The following MED17 variants were observed in gnomAD, a reference collection of about 807,000 sequenced individuals.
MED17 encodes mediator complex subunit 17.
Under a neutral mutation model 80.8 loss-of-function variants are expected in MED17, and 49 were observed. The observed-to-expected ratio is 0.61, with a 90% CI of 0.48 to 0.77. MED17 has a LOEUF of 0.77. Among genes scored for constraint, MED17 ranks in the 30% least tolerant of loss-of-function variants. The probability of loss-of-function intolerance (pLI) is 0.00; values close to 1 mark genes in which losing one functional copy is unlikely to be tolerated. For synonymous variants in MED17, 281 were observed against 280.4 expected (o/e 1.00, Z -0.02); for missense variants, 718 against 787.0 (o/e 0.91, Z 1.05).
At chr11:93,794,602 A>T in intron 5 of MED17, 1 of 433,206 alleles carries the variant, frequency 2.3e-6, no homozygotes, top group Non-Finnish European at 4.2e-6. Flanking sequence ...TATCAAACCC[A>T]GTGAGGTTTA....
chr11:93,811,706 G>T, intron 11 of MED17, 147 bp from the exon 12 acceptor site: 1 of 677,188 alleles, frequency 1.5e-6, no homozygotes. Flanking sequence ...CTTGCATGTT[G>T]AAACTGAAAA....
chr11:93,800,284 T>G (rs902182820), intron 8 of MED17, among the ~76,000 whole-genome samples: 2 of 152,096 alleles, frequency 1.3e-5, no homozygotes, highest in Admixed American at 6.5e-5. Context: ...CTCTTCTCAT[T>G]TCTTCCCATT....
At position 93,785,063 on chromosome 11, in the gene MED17, G is replaced by T. The variant is rs542162878; in HGVS notation, c.250+300G>T. 19 of 488,480 alleles carry T rather than the reference G, an allele frequency of 3.9e-5. No individual in the cohort carries two copies. The South Asian group carries it at 4.4e-4, about 11-fold the overall frequency. The allele number at this position is 488,480 out of a possible 1,614,324, so 30.3% of individuals were successfully genotyped here. A position where few individuals can be genotyped will look rare whatever the true frequency, so the allele number is the denominator to read the frequency against. On this transcript the variant is annotated intron_variant, in intron 1 of 11. Coordinates refer to ENST00000251871, the MANE Select transcript of MED17 (RefSeq NM_004268.5). ...GGCCTTTAATGTAGCACACTTAGTG[G>T]CTAAAAGAGCCCTAGATCGGGGCTC...
At chr11:93,791,769 C>T (rs1186089111) in intron 3 of MED17, among the ~76,000 whole-genome samples, 1 of 152,028 alleles carries the variant, frequency 6.6e-6, no homozygotes, top group Non-Finnish European at 1.5e-5. Context: ...TTAAAACAAA[C>T]AAACAAAAAA....
intron 9 of MED17, among the ~76,000 whole-genome samples, chr11:93,804,443 C>T (rs1565293476): frequency 6.6e-6 from 1 of 152,162 alleles, no homozygotes; most frequent in Admixed American, 6.5e-5. Flanking sequence ...TTAACCATCA[C>T]AGCTGGGCTC....
chr11:93,793,559 C>G, intron 3 of MED17, 169 bp from the exon 4 acceptor site: 1 of 537,814 alleles, frequency 1.9e-6, no homozygotes. Flanking sequence ...CTTTATCTTT[C>G]TTTCCTTTGT....
rs1405094952 is a variant in MED17, at chr11:93,813,032, C to G, written c.*968C>G. The stretch of plus-strand genomic sequence containing the variant: ...TTAAGGCCTTTCCATCAGCTCTCTG[C>G]TTTTTCAAAGCGAAAAAACTAATGG... On this transcript the variant is annotated 3_prime_UTR_variant, in exon 12 of 12. Transcript: ENST00000251871. The G allele has an allele frequency of 6.6e-6, 1 of 152,214 alleles. No homozygotes were observed. The allele number at this position is 152,214 out of a possible 1,614,324, so 9.4% of individuals were successfully genotyped here.
At chr11:93,802,480 G>T (rs1215737569) in intron 9 of MED17, among the ~76,000 whole-genome samples, 1 of 152,096 alleles carries the variant, frequency 6.6e-6, no homozygotes, top group Non-Finnish European at 1.5e-5. Context: ...GTAAGAATGA[G>T]AGGTAACAAT....
At chr11:93,804,456 C>T (rs1020462084) in intron 9 of MED17, among the ~76,000 whole-genome samples, 2 of 152,250 alleles carry the variant, frequency 1.3e-5, no homozygotes, top group African/African-American at 4.8e-5. Context: ...CTGGGCTCAA[C>T]TTAGGCTATT....
intron 2 of MED17, chr11:93,788,622 A>T (rs910895303): frequency 6.5e-6 from 1 of 154,824 alleles, no homozygotes; most frequent in African/African-American, 2.5e-5. Context: ...CGGGGGTTGC[A>T]GTGAGCTGAG....
intron 10 of MED17, chr11:93,809,011 A>G (rs544985289): frequency 1.3e-5 from 2 of 154,560 alleles, no homozygotes; most frequent in South Asian, 2.0e-4. Flanking sequence ...CTAAAGATCT[A>G]TTTACAAAGA....
At chr11:93,793,599 C>T in intron 3 of MED17, 129 bp from the exon 4 acceptor site, 1 of 703,360 alleles carries the variant, frequency 1.4e-6, no homozygotes, top group Non-Finnish European at 2.4e-6. Flanking sequence ...TCCCCCAAAA[C>T]ATATGTTTTT....
At chr11:93,796,374 G>T in intron 6 of MED17, 36 bp from the exon 7 acceptor site, 1 of 1,568,678 alleles carries the variant, frequency 6.4e-7, no homozygotes, top group Non-Finnish European at 8.8e-7. Flanking sequence ...CATATTTCAG[G>T]TTATTTACAT....
intron 6 of MED17, chr11:93,795,515 A>T (rs1943890284): frequency 6.4e-6 from 1 of 156,346 alleles, no homozygotes; most frequent in South Asian, 1.9e-4. Flanking sequence ...AGCCTGGCCA[A>T]CGTGGTGAAA....
chr11:93,795,964 TG>T (rs1192375484), intron 6 of MED17: 1 of 167,238 alleles, frequency 6.0e-6, no homozygotes, highest in Non-Finnish European at 1.3e-5. Flanking sequence ...TTTTTTTTTT[TG>T]AGATGAAGTT....
At chr11:93,809,919 T>A in intron 11 of MED17, 43 bp downstream of exon 11, 1 of 1,604,792 alleles carries the variant, frequency 6.2e-7, no homozygotes. Flanking sequence ...ATTGGGAGTT[T>A]GGCTTTAACA....
At chr11:93,804,033 ACACAT>A (rs1943998038) in intron 9 of MED17, among the ~76,000 whole-genome samples, 1 of 24,780 alleles carries the variant, frequency 4.0e-5, no homozygotes. Flanking sequence ...ATATACACAC[ACACAT>A]ATACACACGC....
rs199767485 is a variant in MED17 at position 93,801,867 on chromosome 11, G to A, written c.1361G>A (p.Arg454Gln). 38 of 1,613,498 alleles carry A rather than the reference G, an allele frequency of 2.4e-5. No individual in the cohort carries two copies. Among genetic ancestry groups the A allele is most frequent in the Admixed American group, 1.3e-4 (8 of 59,978 alleles). Reference sequence around the variant, plus strand: ...GCAACCATTGACAGCTTAGCAAGCCGAATTGAGGATCCTCAGATACAGGCT... The same window carrying A: ...GCAACCATTGACAGCTTAGCAAGCCAAATTGAGGATCCTCAGATACAGGCT... ...AAATIDSLASRIEDPQIQAHW... is the reference protein window; with the variant it reads ...AAATIDSLASQIEDPQIQAHW... The change falls in exon 9 of 12, where the codon CGA becomes CAA. Residue 454 changes from arginine to glutamine, a missense_variant. Arg to Gln is a conservative substitution (Grantham distance 43). Coordinates refer to ENST00000251871, the MANE Select transcript of MED17 (RefSeq NM_004268.5).
Position 93,784,328 on chromosome 11 carries a change from C to T in MED17, c.-186C>T. On this transcript the variant is annotated 5_prime_UTR_variant, in exon 1 of 12. Transcript: ENST00000251871. Reference sequence around the variant, plus strand: ...CCGAGGAGGGAGCTTGCGGTGCGTTCTGGGAAAGTTGCTGGGCCAGCTCCT... The same window carrying T: ...CCGAGGAGGGAGCTTGCGGTGCGTTTTGGGAAAGTTGCTGGGCCAGCTCCT... 1 of 764,434 alleles carries T rather than the reference C, an allele frequency of 1.3e-6. No homozygotes were observed. The highest frequency in any genetic ancestry group is 2.0e-6 in the Non-Finnish European group (1 of 495,016). 47.4% of individuals were successfully genotyped at this position (764,434 alleles called of 1,614,324 possible).
Sources: gnomAD v4.1 joint callset for allele counts (sites outside exome capture counted in the v4.1 genomes callset) on GRCh38, gnomAD v4.1.1 for gene constraint, MANE v1.5 for transcripts, NCBI Gene and HGNC (gene_info 2026-07-23, HGNC 2026-07-21) for gene names.